Variants in ZNF654 observed in about 807,000 individuals in gnomAD.
ZNF654 encodes melanoma-associated antigen.
A neutral mutation model predicts 95.3 loss-of-function variants in ZNF654; 19 were observed. That is an observed-to-expected ratio of 0.20 (90% CI 0.14 to 0.29). The LOEUF (loss-of-function observed/expected upper bound fraction) is 0.29. ZNF654 is among the 10% of genes least tolerant of loss of function. ZNF654 has a pLI of 1.00. For synonymous variants in ZNF654, 413 were observed against 457.9 expected (o/e 0.90, Z 1.25); for missense variants, 1,046 against 1,341.0 (o/e 0.78, Z 3.44).
intron 2 of ZNF654, among the ~76,000 whole-genome samples, chr3:88,092,644 A>C (rs1703812233): frequency 6.6e-6 from 1 of 152,216 alleles, no homozygotes; most frequent in Non-Finnish European, 1.5e-5. Context: ...TTACATCATG[A>C]CTTTAAATTT....
intron 1 of ZNF654, among the ~76,000 whole-genome samples, chr3:88,082,083 C>G (rs4438681): frequency 0.78 from 119,070 of 151,964 alleles, 47,570 homozygotes; most frequent in South Asian, 0.91. Context: ...CTTTGACGCC[C>G]CTAAAATGGA....
intron 1 of ZNF654, among the ~76,000 whole-genome samples, chr3:88,059,755 G>A (rs1706742609): frequency 6.6e-6 from 1 of 152,068 alleles, no homozygotes; most frequent in South Asian, 2.1e-4. Context: ...TGGAAAGAAG[G>A]AAGGTCGGCT....
Position 88,139,475 on chromosome 3 carries a change from A to C in ZNF654, c.1806A>C (p.Gln602His). ...KNHVKKIQRQQIAAAQQDDQE... is the reference protein window; with the variant it reads ...KNHVKKIQRQHIAAAQQDDQE... ...ATGTTAAGAAGATACAGAGGCAGCA[A>C]ATTGCTGCAGCTCAACAGGATGATC... The change falls in exon 8 of 9, where the codon CAA (glutamine) becomes CAC (histidine). Residue 602 changes from glutamine to histidine, a missense_variant. Physicochemically the swap from Gln to His is conservative, Grantham distance 24. Transcript: ENST00000636215. The C allele has an allele frequency of 6.2e-7, 1 of 1,613,796 alleles. No individual in the cohort carries two copies. Among genetic ancestry groups the C allele is most frequent in the Non-Finnish European group, 8.5e-7 (1 of 1,179,782 alleles).
chr3:88,094,445 G>A (rs764723277), intron 2 of ZNF654, among the ~76,000 whole-genome samples: 14 of 152,110 alleles, frequency 9.2e-5, no homozygotes, highest in Non-Finnish European at 1.9e-4. Context: ...GGGATGGAAA[G>A]TGATCAGGGG....
chr3:88,066,580 A>G (rs1266778884), intron 1 of ZNF654, among the ~76,000 whole-genome samples: 1 of 147,432 alleles, frequency 6.8e-6, no homozygotes, highest in East Asian at 2.0e-4. Flanking sequence ...ACAAACAAAC[A>G]AAAAAAACAA....
intron 2 of ZNF654, among the ~76,000 whole-genome samples, chr3:88,101,608 G>T (rs1704431746): frequency 6.6e-6 from 1 of 152,090 alleles, no homozygotes; most frequent in East Asian, 1.9e-4. Context: ...TGGCTATTCA[G>T]ATTACTTCCA....
At chr3:88,089,584 A>T (rs1708529790) in intron 2 of ZNF654, among the ~76,000 whole-genome samples, 1 of 152,194 alleles carries the variant, frequency 6.6e-6, no homozygotes, top group Non-Finnish European at 1.5e-5. Flanking sequence ...GAATAAAATA[A>T]ACAGTTGCTA....
rs564926522 is a variant in ZNF654 at position 88,091,785 on chromosome 3, C to T, written c.332+5383C>T. Among the ~76,000 whole-genome samples the T allele has an allele frequency of 6.6e-5, 10 of 152,310 alleles. No individual in the cohort carries two copies. In the South Asian group the frequency reaches 1.9e-3, roughly 28 times the overall value. On this transcript the variant is annotated intron_variant, in intron 2 of 8. Transcript: ENST00000636215. ...AGTTCCCCTGCACATGCTCTCTTGC[C>T]TGCCGCCATGTAAGACATGCCTTTG...
At chr3:88,108,918 C>A (rs139071069) in intron 2 of ZNF654, among the ~76,000 whole-genome samples, 161 of 152,134 alleles carry the variant, frequency 1.1e-3, no homozygotes, top group Non-Finnish European at 6.9e-4. Context: ...CAAAGAAATT[C>A]ATGCTAGTTT....
At chr3:88,119,507 A>G (rs1255071493) in intron 3 of ZNF654, among the ~76,000 whole-genome samples, 1 of 151,166 alleles carries the variant, frequency 6.6e-6, no homozygotes, top group African/African-American at 2.4e-5. Flanking sequence ...TAACCTGCAC[A>G]ATGTGCACGT....
intron 2 of ZNF654, among the ~76,000 whole-genome samples, chr3:88,112,700 C>T (rs1033878906): frequency 4.0e-5 from 6 of 151,798 alleles, no homozygotes; most frequent in African/African-American, 1.5e-4. Flanking sequence ...TTTTATTCAA[C>T]TCTTGTATCA....
At chr3:88,085,221 CTT>C (rs1559699214) in intron 1 of ZNF654, among the ~76,000 whole-genome samples, 1 of 152,098 alleles carries the variant, frequency 6.6e-6, no homozygotes, top group Admixed American at 6.6e-5. Context: ...AGTCAGCAAA[CTT>C]TTTTCTGTAA....
At chr3:88,068,987 C>G (rs1208245195) in intron 1 of ZNF654, among the ~76,000 whole-genome samples, 3 of 152,038 alleles carry the variant, frequency 2.0e-5, no homozygotes, top group Non-Finnish European at 4.4e-5. Context: ...TATACTGTAG[C>G]TTACTAAAGC....
chr3:88,067,921 TACACTTAA>T (rs1457813855), intron 1 of ZNF654, among the ~76,000 whole-genome samples: 6 of 151,984 alleles, frequency 3.9e-5, no homozygotes, highest in African/African-American at 1.5e-4. Flanking sequence ...GTGAACTGTG[TACACTTAA>T]AATCTGGTGA....
At chr3:88,093,313 A>G (rs764743940) in intron 2 of ZNF654, among the ~76,000 whole-genome samples, 5 of 152,196 alleles carry the variant, frequency 3.3e-5, no homozygotes, top group Non-Finnish European at 7.4e-5. Context: ...TATAGACTTT[A>G]TAAGTTTTAC....
chr3:88,128,814 A>C lies in ZNF654; in HGVS notation c.556A>C (p.Lys186Gln), dbSNP rs1012301030. 1 of 1,533,144 alleles carries C rather than the reference A, an allele frequency of 6.5e-7. No individual in the cohort carries two copies. Among genetic ancestry groups the C allele is most frequent in the Admixed American group, 2.0e-5 (1 of 50,892 alleles). 95.0% of individuals were successfully genotyped at this position (1,533,144 alleles called of 1,614,324 possible). The change falls in exon 5 of 9, where the codon AAA becomes CAA. Residue 186 changes from lysine to glutamine, a missense_variant. Coordinates refer to ENST00000636215, the MANE Select transcript of ZNF654 (RefSeq NM_001350134.2). Reference protein sequence around the residue: ...AQPASQEIVNKYLSSENPLFF... With the variant: ...AQPASQEIVNQYLSSENPLFF... ...CTGTTTTCTTTTTAATATAGTGAAC[A>C]AATATTTAAGTTCTGAAAATCCACT...
At chr3:88,136,136 C>T (rs561059124) in intron 7 of ZNF654, among the ~76,000 whole-genome samples, 4 of 152,164 alleles carry the variant, frequency 2.6e-5, no homozygotes, top group Admixed American at 6.5e-5. Flanking sequence ...CACGTCTTAA[C>T]ATTTGATGTG....
chr3:88,098,714 G>C (rs1165099023), intron 2 of ZNF654, among the ~76,000 whole-genome samples: 2 of 152,254 alleles, frequency 1.3e-5, no homozygotes, highest in East Asian at 3.9e-4. Flanking sequence ...CATATAAACA[G>C]AACCAAAGAC....
intron 3 of ZNF654, among the ~76,000 whole-genome samples, chr3:88,116,080 A>G (rs553617073): frequency 6.6e-6 from 1 of 152,222 alleles, no homozygotes; most frequent in South Asian, 2.1e-4. Flanking sequence ...CCCTGCTTGT[A>G]ACAACAAGGG....
Sources: allele counts gnomAD v4.1 joint callset (sites outside exome capture counted in the v4.1 genomes callset), GRCh38; gene constraint gnomAD v4.1.1; transcripts MANE v1.5; gene names NCBI Gene and HGNC (gene_info 2026-07-23, HGNC 2026-07-21).